AKAP13: variants seen among roughly 807,000 people sequenced by gnomAD.
AKAP13 encodes A-kinase anchoring protein 13.
In AKAP13, 80 loss-of-function variants were observed where a neutral mutation model predicts 264.5. That is an observed-to-expected ratio of 0.30 (90% CI 0.25 to 0.36). The LOEUF (loss-of-function observed/expected upper bound fraction) is 0.36. AKAP13 is among the 10% of genes least tolerant of loss of function. The probability of loss-of-function intolerance (pLI) is 1.00; values close to 1 mark genes in which losing one functional copy is unlikely to be tolerated. For synonymous variants in AKAP13, 1,380 were observed against 1,250.2 expected, an observed-to-expected ratio of 1.10 and a Z score of -2.19; for missense variants, 3,712 against 3,435.2, an observed-to-expected ratio of 1.08 and a Z score of -2.01.
At chr15:85,468,689 A>G (rs1362171155) in intron 1 of AKAP13, among the ~76,000 whole-genome samples, 3 of 152,148 alleles carry the variant, frequency 2.0e-5, no homozygotes, top group African/African-American at 7.2e-5. Flanking sequence ...CTTAAAATAT[A>G]ATTAAATTAA....
chr15:85,436,901 A>C (rs1166390608), intron 1 of AKAP13, among the ~76,000 whole-genome samples: 1 of 152,192 alleles, frequency 6.6e-6, no homozygotes, highest in African/African-American at 2.4e-5. Context: ...CATCACAATT[A>C]AAAGAACTAG....
Position 85,723,175 on chromosome 15 carries a change from T to C in AKAP13, c.6600T>C (p.Arg2200=). Residue 2200 remains arginine (R), a synonymous_variant, in exon 26 of 37, where the codon CGT becomes CGC. Coordinates refer to ENST00000394518, the MANE Select transcript of AKAP13 (RefSeq NM_007200.5). Reference sequence around the variant, plus strand: ...TGGCAAGTTATGAAAAGAAAGTGCGTCTCAATGAGATTTATACAAAGACAG... The same window carrying C: ...TGGCAAGTTATGAAAAGAAAGTGCGCCTCAATGAGATTTATACAAAGACAG... ...SKVASYEKKV[R]LNEIYTKTDS... 6.2e-7 allele frequency: 1 copy of C among 1,614,186 alleles called. No homozygotes were observed. The highest frequency in any genetic ancestry group is 1.1e-5 in the South Asian group (1 of 91,090).
chr15:85,544,768 TCCA>T (rs1471319246), intron 5 of AKAP13, among the ~76,000 whole-genome samples: 1 of 152,250 alleles, frequency 6.6e-6, no homozygotes, highest in Admixed American at 6.5e-5. Context: ...CATTATCTTT[TCCA>T]CCACATTATC....
intron 5 of AKAP13, among the ~76,000 whole-genome samples, chr15:85,559,100 AC>A (rs1322660108): frequency 6.6e-6 from 1 of 151,974 alleles, no homozygotes; most frequent in Non-Finnish European, 1.5e-5. Flanking sequence ...TGTTCTCATT[AC>A]CACTGTTGTT....
At chr15:85,629,619 C>T (rs898998323) in intron 8 of AKAP13, among the ~76,000 whole-genome samples, 2 of 152,068 alleles carry the variant, frequency 1.3e-5, no homozygotes, top group Non-Finnish European at 2.9e-5. Context: ...GTATGCTCTC[C>T]ACAAATCACC....
intron 8 of AKAP13, among the ~76,000 whole-genome samples, chr15:85,628,326 A>G (rs531394219): frequency 2.6e-4 from 39 of 152,304 alleles, no homozygotes; most frequent in East Asian, 9.6e-4. Flanking sequence ...TGAGCACTCC[A>G]TAAGTGCTGC....
chr15:85,630,847 A>G (rs1044978595), intron 8 of AKAP13, among the ~76,000 whole-genome samples: 1 of 152,250 alleles, frequency 6.6e-6, no homozygotes, highest in Admixed American at 6.5e-5. Flanking sequence ...CACTTTGGAA[A>G]ACAGTCTGAC....
In AKAP13 at chr15:85,735,164, A is replaced by G. The variant is rs17638180; in HGVS notation, c.7441+14A>G. The G allele has an allele frequency of 6.2e-7, 1 of 1,611,312 alleles. No individual in the cohort carries two copies. Among genetic ancestry groups the G allele is most frequent in the Non-Finnish European group, 8.5e-7 (1 of 1,178,764 alleles). ...ATGCTTCAAAAGGTAAATGATGTGA[A>G]GTCATGAGCTTTTATAGGCAATCCT... On this transcript the variant is annotated intron_variant, in intron 31 of 36. Transcript: ENST00000394518.
intron 33 of AKAP13, among the ~76,000 whole-genome samples, chr15:85,737,038 C>A (rs1434074933): frequency 1.3e-5 from 2 of 151,320 alleles, no homozygotes; most frequent in South Asian, 2.1e-4. Context: ...CCTGCCTCAG[C>A]CTCCCGAGTA....
chr15:85,412,877 C>A (rs1437720150), intron 1 of AKAP13, among the ~76,000 whole-genome samples: 1 of 152,202 alleles, frequency 6.6e-6, no homozygotes, highest in African/African-American at 2.4e-5. Flanking sequence ...GAACACCGTA[C>A]CTATATTATC....
intron 3 of AKAP13, among the ~76,000 whole-genome samples, chr15:85,528,702 A>T (rs924694839): frequency 2.0e-5 from 3 of 152,176 alleles, no homozygotes; most frequent in Middle Eastern, 3.4e-3. Flanking sequence ...CCTACAGTTT[A>T]CTCAGCTGGG....
At chr15:85,440,179 C>A (rs577395338) in intron 1 of AKAP13, among the ~76,000 whole-genome samples, 42 of 152,220 alleles carry the variant, frequency 2.8e-4, no homozygotes, top group African/African-American at 9.9e-4. Context: ...TGTCTCTGCC[C>A]TTCCCTTCCT....
intron 8 of AKAP13, among the ~76,000 whole-genome samples, chr15:85,587,796 G>A (rs746766386): frequency 1.3e-5 from 2 of 152,040 alleles, no homozygotes; most frequent in African/African-American, 4.8e-5. Flanking sequence ...ACAGGGACTC[G>A]TCACCACGCC....
intron 5 of AKAP13, among the ~76,000 whole-genome samples, chr15:85,555,224 C>T (rs377104249): frequency 4.3e-4 from 66 of 152,166 alleles, no homozygotes; most frequent in African/African-American, 1.6e-3. Flanking sequence ...TTTAGCTTCT[C>T]CAGCTCCATT....
chr15:85,390,039 A>G (rs559261798), intron 1 of AKAP13, among the ~76,000 whole-genome samples: 1 of 152,244 alleles, frequency 6.6e-6, no homozygotes, highest in African/African-American at 2.4e-5. Context: ...TAGGTAAGTT[A>G]TTTGTCTCTG....
At chr15:85,513,093 C>T (rs1412731249) in intron 2 of AKAP13, among the ~76,000 whole-genome samples, 1 of 152,146 alleles carries the variant, frequency 6.6e-6, no homozygotes, top group African/African-American at 2.4e-5. Flanking sequence ...GCGTGAGCCA[C>T]CGTTCCCGGC....
intron 10 of AKAP13, among the ~76,000 whole-genome samples, chr15:85,652,032 T>C (rs2151509614): frequency 6.6e-6 from 1 of 152,340 alleles, no homozygotes; most frequent in South Asian, 2.1e-4. Context: ...GTAAAAATAA[T>C]GAGTATAAGA....
chr15:85,611,594 C>G (rs1166442476), intron 8 of AKAP13, among the ~76,000 whole-genome samples: 1 of 152,242 alleles, frequency 6.6e-6, no homozygotes, highest in East Asian at 1.9e-4. Context: ...AGCTTTCTGA[C>G]TCATCTGTCT....
intron 8 of AKAP13, among the ~76,000 whole-genome samples, chr15:85,623,100 A>G (rs2081265649): frequency 6.6e-6 from 1 of 152,170 alleles, no homozygotes; most frequent in African/African-American, 2.4e-5. Context: ...AGTATTTTCT[A>G]TCAGTGTTTT....
Sources: gnomAD v4.1 joint callset for allele counts (sites outside exome capture counted in the v4.1 genomes callset) on GRCh38, gnomAD v4.1.1 for gene constraint, MANE v1.5 for transcripts, NCBI Gene and HGNC (gene_info 2026-07-23, HGNC 2026-07-21) for gene names.